CCNG2: variants seen among roughly 807,000 people sequenced by gnomAD.
CCNG2 encodes the protein cyclin-G2.
A neutral mutation model predicts 36.5 loss-of-function variants in CCNG2; 20 were observed. The ratio of observed to expected loss-of-function variants is 0.55; its 90% CI spans 0.39 to 0.80. CCNG2 has a LOEUF of 0.80. Ranked by LOEUF, CCNG2 falls within the 30% of genes least tolerant of loss-of-function variation. The probability of loss-of-function intolerance (pLI) is 0.00; values close to 1 mark genes in which losing one functional copy is unlikely to be tolerated. For synonymous variants in CCNG2, 155 were observed against 140.1 expected (o/e 1.11, Z -0.75); for missense variants, 358 against 390.8 (o/e 0.92, Z 0.71).
chr4:77,164,296 A>G lies in CCNG2; in HGVS notation c.728A>G (p.Tyr243Cys), dbSNP rs757589588. 6 of 1,613,704 alleles carry G rather than the reference A, an allele frequency of 3.7e-6. No individual in the cohort carries two copies. Among genetic ancestry groups the G allele is most frequent in the East Asian group, 4.5e-5 (2 of 44,870 alleles). Residue 243 changes from tyrosine (Y) to cysteine (C), a missense_variant, in exon 7 of 8, where the codon TAC becomes TGC. Transcript: ENST00000316355. ...CAGATTAATGACACTGAGTTCTTCT[A>G]CTGGAGAGAGTTGGTTTCTAAATGC... ...HSKINDTEFF[Y>C]WRELVSKCLA...
rs1731675302 is a variant in CCNG2, at chr4:77,168,108, T to G, written c.*2184T>G. 1 of 152,232 alleles carries G rather than the reference T, an allele frequency of 6.6e-6. No individual in the cohort carries two copies. Among genetic ancestry groups the G allele is most frequent in the Non-Finnish European group, 1.5e-5 (1 of 68,048 alleles). 9.4% of individuals were successfully genotyped at this position (152,232 alleles called of 1,614,324 possible). A position where few individuals can be genotyped will look rare whatever the true frequency, so the allele number is the denominator to read the frequency against. On this transcript the variant is annotated 3_prime_UTR_variant, in exon 8 of 8. Coordinates refer to ENST00000316355, the MANE Select transcript of CCNG2 (RefSeq NM_004354.3). ...TTATTCACATGGCCTGCCATGCCAC[T>G]TGGAGGTTTCTGATTACTCCCAAAC...
rs577013791 is a variant in CCNG2, at chr4:77,157,828, T to C, written c.-1+322T>C. 4.9e-3 allele frequency among the ~76,000 whole-genome samples: 738 copies of C among 152,008 alleles called. 6 individuals carry two copies. Among genetic ancestry groups the C allele is most frequent in the African/African-American group, 0.017 (714 of 41,490 alleles). On this transcript the variant is annotated intron_variant, in intron 1 of 7. Coordinates refer to ENST00000316355, the MANE Select transcript of CCNG2 (RefSeq NM_004354.3). ...ACAGCCCCGGGGCTCTGCAGAGTTG[T>C]GGGGCCCCGGCATCAGTGGGTGGAC...
rs1362425067 is a variant in CCNG2, at chr4:77,168,498, CTCTG to C, written c.*2578_*2581del. The C allele has an allele frequency of 6.6e-6, 1 of 152,188 alleles. No homozygotes were observed. The allele number at this position is 152,188 out of a possible 1,614,324, so 9.4% of individuals were successfully genotyped here. A position where few individuals can be genotyped will look rare whatever the true frequency, so the allele number is the denominator to read the frequency against. ...AAAAATCTATTCATGACATACAAGTCTCTGTCTAATCTGAACACTGCACCTGTCT... is the reference window on the plus strand; with the variant it reads ...AAAAATCTATTCATGACATACAAGTCTCTAATCTGAACACTGCACCTGTCT... On this transcript the variant is annotated 3_prime_UTR_variant, in exon 8 of 8. Coordinates refer to ENST00000316355, the MANE Select transcript of CCNG2 (RefSeq NM_004354.3).
intron 2 of CCNG2, 120 bp from the exon 3 acceptor site, chr4:77,159,245 GAT>G: frequency 1.2e-6 from 1 of 823,220 alleles, no homozygotes; most frequent in South Asian, 1.8e-5. Context: ...TATTCTTGAA[GAT>G]TGAGGGAAAA....
intron 6 of CCNG2, among the ~76,000 whole-genome samples, chr4:77,163,682 C>A (rs771296592): frequency 3.3e-5 from 5 of 152,016 alleles, no homozygotes; most frequent in Non-Finnish European, 7.4e-5. Context: ...GAAAAAAATA[C>A]GTAAAAAGAA....
chr4:77,161,866 T>TC, intron 6 of CCNG2, 119 bp downstream of exon 6: 1 of 642,504 alleles, frequency 1.6e-6, no homozygotes, highest in South Asian at 2.1e-5. Flanking sequence ...TTGTTTTTTT[T>TC]CTTATATCTC....
rs1481480690 is a variant in CCNG2 at position 77,167,877 on chromosome 4, A to G, written c.*1953A>G. 1 of 152,148 alleles carries G rather than the reference A, an allele frequency of 6.6e-6. No individual in the cohort carries two copies. Among genetic ancestry groups the G allele is most frequent in the Non-Finnish European group, 1.5e-5 (1 of 68,024 alleles). The allele number at this position is 152,148 out of a possible 1,614,324, so 9.4% of individuals were successfully genotyped here. A position where few individuals can be genotyped will look rare whatever the true frequency, so the allele number is the denominator to read the frequency against. Reference sequence around the variant, plus strand: ...ATAATATTAGTAAATAGTGGGCAATATATTCTGCTTTCAGATTTTGATTTG... The same window carrying G: ...ATAATATTAGTAAATAGTGGGCAATGTATTCTGCTTTCAGATTTTGATTTG... On this transcript the variant is annotated 3_prime_UTR_variant, in exon 8 of 8. Coordinates refer to ENST00000316355, the MANE Select transcript of CCNG2 (RefSeq NM_004354.3).
In CCNG2 at chr4:77,161,753, TAC is replaced by T. The variant is rs1438251850; in HGVS notation, c.705+8_705+9del. On this transcript the variant is annotated splice_region_variant and intron_variant, in intron 6 of 7. Transcript: ENST00000316355. ...TAGTTAAAAAACATTCCAAGGTAATTACAGTCATTATTCTTTAAGGCAAATTT... is the reference window on the plus strand; with the variant it reads ...TAGTTAAAAAACATTCCAAGGTAATTAGTCATTATTCTTTAAGGCAAATTT... 2.4e-5 allele frequency: 38 copies of T among 1,558,758 alleles called. No individual in the cohort carries two copies. The highest frequency in any genetic ancestry group is 4.1e-5 in the African/African-American group (3 of 72,430).
At chr4:77,158,779 T>G in intron 2 of CCNG2, 109 bp downstream of exon 2, 5 of 1,158,260 alleles carry the variant, frequency 4.3e-6, no homozygotes. Context: ...TTCTTAAAAG[T>G]TGTTCTTTCT....
At chr4:77,161,061 CCTT>C (rs1317222992) in intron 4 of CCNG2, 90 bp downstream of exon 4, 6 of 854,166 alleles carry the variant, frequency 7.0e-6, no homozygotes, top group Non-Finnish European at 1.0e-5. Flanking sequence ...TATATTTTTA[CCTT>C]CTTCAAACTT....
rs1315048100 is a variant in CCNG2, at chr4:77,168,146, T to C, written c.*2222T>C. The C allele has an allele frequency of 6.6e-6, 1 of 152,188 alleles. No homozygotes were observed. The highest frequency in any genetic ancestry group is 1.5e-5 in the Non-Finnish European group (1 of 68,024). 9.4% of individuals were successfully genotyped at this position (152,188 alleles called of 1,614,324 possible). A position where few individuals can be genotyped will look rare whatever the true frequency, so the allele number is the denominator to read the frequency against. ...ATTACTCCCAAACCTGCTGGTTCTT[T>C]ATGTCTTTCTCAGCGAATAATTCCA... is the stretch of plus-strand genomic sequence containing the variant. On this transcript the variant is annotated 3_prime_UTR_variant, in exon 8 of 8. Transcript: ENST00000316355.
At chr4:77,159,265 C>A (rs1372570951) in intron 2 of CCNG2, 102 bp from the exon 3 acceptor site, 1 of 1,086,584 alleles carries the variant, frequency 9.2e-7, no homozygotes, top group South Asian at 1.6e-5. Flanking sequence ...AAAAAATTAA[C>A]CTTATTCTTG....
At chr4:77,158,476 G>A (rs1439680192) in intron 1 of CCNG2, 57 bp from the exon 2 acceptor site, 6 of 1,593,004 alleles carry the variant, frequency 3.8e-6, no homozygotes, top group East Asian at 2.2e-5. Context: ...CCTTTCTCCC[G>A]CTTCCCCACC....
Position 77,165,873 on chromosome 4 carries a change from C to T in CCNG2, c.984C>T (p.Cys328=), listed in dbSNP as rs75208252. The T allele has an allele frequency of 6.1e-4, 979 of 1,611,450 alleles. 20 individuals carry two copies. In the East Asian group the frequency reaches 0.021, roughly 35 times the overall value. The change falls in exon 8 of 8, where the codon TGC becomes TGT. Residue 328 remains cysteine (C), a synonymous_variant. Coordinates refer to ENST00000316355, the MANE Select transcript of CCNG2 (RefSeq NM_004354.3). The part of the protein sequence containing the change: ...LSSSPPSDQE[C]TFFFNFKVAQ... ...GCTCTCCTCCCAGTGATCAAGAGTG[C>T]ACCTTCTTTTTCAACTTCAAAGTGG...
At position 77,157,375 on chromosome 4, in the gene CCNG2, G is replaced by A. The variant is rs1057342754; in HGVS notation, c.-132G>A. 6.6e-6 allele frequency: 1 copy of A among 152,550 alleles called. No individual in the cohort carries two copies. The highest frequency in any genetic ancestry group is 1.5e-5 in the Non-Finnish European group (1 of 68,356). 9.4% of individuals were successfully genotyped at this position (152,550 alleles called of 1,614,324 possible). ...GAGGCGGCGGTGCCTGGGAGGAAGGGTCGGATGCCGGACCGGGGGCACCGC... is the reference window on the plus strand; with the variant it reads ...GAGGCGGCGGTGCCTGGGAGGAAGGATCGGATGCCGGACCGGGGGCACCGC... On this transcript the variant is annotated 5_prime_UTR_variant, in exon 1 of 8. Coordinates refer to ENST00000316355, the MANE Select transcript of CCNG2 (RefSeq NM_004354.3).
At position 77,159,943 on chromosome 4, in the gene CCNG2, A is replaced by G. The variant is rs4150061; in HGVS notation, c.276+439A>G. 1.9e-3 allele frequency among the ~76,000 whole-genome samples: 293 copies of G among 152,316 alleles called. 1 individual carries two copies. The highest frequency in any genetic ancestry group is 3.2e-3 in the Non-Finnish European group (215 of 68,026). ...AAAGCAGGGAGCCATGGTTTTATTA[A>G]CAGTCACCAGCAATGGCTAGAAAAA... On this transcript the variant is annotated intron_variant, in intron 3 of 7. Coordinates refer to ENST00000316355, the MANE Select transcript of CCNG2 (RefSeq NM_004354.3).
At chr4:77,161,835 T>C (rs1307803164) in intron 6 of CCNG2, 88 bp downstream of exon 6, 3 of 765,506 alleles carry the variant, frequency 3.9e-6, no homozygotes, top group Non-Finnish European at 6.5e-6. Context: ...TAATACTTTA[T>C]GGGACTCTTA....
chr4:77,165,023 A>G (rs147733249), intron 7 of CCNG2: 2 of 152,546 alleles, frequency 1.3e-5, no homozygotes, highest in Non-Finnish European at 2.9e-5. Context: ...AATAAAGGGA[A>G]TCACCACCAC....
At chr4:77,158,252 C>A in intron 1 of CCNG2, 1 of 416,534 alleles carries the variant, frequency 2.4e-6, no homozygotes, top group Non-Finnish European at 4.3e-6. Context: ...CCGGCGCCCG[C>A]GGACAGTTTC....
Sources: gnomAD v4.1 joint callset for allele counts (sites outside exome capture counted in the v4.1 genomes callset) on GRCh38, gnomAD v4.1.1 for gene constraint, MANE v1.5 for transcripts, NCBI Gene and HGNC (gene_info 2026-07-23, HGNC 2026-07-21) for gene names.